Variants in PCDHA2 observed in about 807,000 individuals in gnomAD.
PCDHA2 encodes protocadherin alpha-2.
PCDHA2 carries 58 observed loss-of-function variants against 66.0 expected under a neutral mutation model. That is an observed-to-expected ratio of 0.88 (90% CI 0.71 to 1.09). The LOEUF (loss-of-function observed/expected upper bound fraction) is 1.09. Ranked by LOEUF, PCDHA2 falls within the 50% of genes least tolerant of loss-of-function variation. The pLI is 0.00. For missense variants in PCDHA2, 1,267 were observed against 1,242.3 expected (o/e 1.02, Z -0.30); for synonymous variants, 634 against 554.0 (o/e 1.14, Z -2.03).
intron 1 of PCDHA2, chr5:140,877,468 C>A (rs781957457): frequency 6.2e-7 from 1 of 1,613,810 alleles, no homozygotes; most frequent in South Asian, 1.1e-5. Flanking sequence ...GGCCACGGTG[C>A]TGGTGTCGCT....
chr5:140,834,611 G>C, intron 1 of PCDHA2: 1 of 1,614,162 alleles, frequency 6.2e-7, no homozygotes, highest in Non-Finnish European at 8.5e-7. Flanking sequence ...ATCTTCTGGA[G>C]GTAAATCTGC....
intron 1 of PCDHA2, chr5:140,805,129 A>G (rs1763514845): frequency 6.3e-7 from 1 of 1,580,766 alleles, no homozygotes; most frequent in East Asian, 2.2e-5. Flanking sequence ...CTTGGCAAAG[A>G]CATTTTGAAG....
intron 1 of PCDHA2, among the ~76,000 whole-genome samples, chr5:140,952,416 G>A (rs114343205): frequency 2.1e-3 from 324 of 151,824 alleles, no homozygotes; most frequent in African/African-American, 7.0e-3. Flanking sequence ...TTAATGTTCC[G>A]CAGATTCCTA....
chr5:140,846,892 T>G (rs910093785), intron 1 of PCDHA2, among the ~76,000 whole-genome samples: 1 of 149,538 alleles, frequency 6.7e-6, no homozygotes, highest in Non-Finnish European at 1.5e-5. Flanking sequence ...AGAATGACGT[T>G]GAAGTTGAAA....
intron 1 of PCDHA2, chr5:140,870,020 C>CT (rs2051592109): frequency 6.2e-7 from 1 of 1,613,394 alleles, no homozygotes; most frequent in Admixed American, 1.7e-5. Context: ...GTCAATGGAA[C>CT]TTTAGATTAT....
intron 1 of PCDHA2, chr5:140,841,215 G>C: frequency 7.1e-7 from 1 of 1,415,722 alleles, no homozygotes; most frequent in African/African-American, 1.4e-5. Flanking sequence ...TGTCTCTAAA[G>C]GCCGAACAAC....
chr5:140,884,096 G>T (rs782587372), intron 1 of PCDHA2: 1 of 1,613,580 alleles, frequency 6.2e-7, no homozygotes, highest in Non-Finnish European at 8.5e-7. Flanking sequence ...GCTTTCGTAT[G>T]AATTGCAGCT....
intron 1 of PCDHA2, chr5:140,927,928 T>C: frequency 6.2e-7 from 1 of 1,614,214 alleles, no homozygotes; most frequent in Non-Finnish European, 8.5e-7. Context: ...CCTGACTCTT[T>C]CGAACCCAGT....
intron 1 of PCDHA2, chr5:140,883,531 T>G: frequency 6.2e-7 from 1 of 1,614,210 alleles, no homozygotes; most frequent in Non-Finnish European, 8.5e-7. Flanking sequence ...TATCAGCCTA[T>G]GAACTGGTGG....
chr5:140,956,733 C>A (rs1412191742), intron 1 of PCDHA2, among the ~76,000 whole-genome samples: 1 of 152,172 alleles, frequency 6.6e-6, no homozygotes, highest in Non-Finnish European at 1.5e-5. Flanking sequence ...ACCAGCTCCT[C>A]TTTGTACCTC....
At chr5:140,912,824 A>T (rs1391588183) in intron 1 of PCDHA2, among the ~76,000 whole-genome samples, 3 of 152,170 alleles carry the variant, frequency 2.0e-5, no homozygotes, top group Non-Finnish European at 4.4e-5. Flanking sequence ...AGGGATTTTG[A>T]ATTTTATTAA....
chr5:140,811,893 G>A (rs1262337923), intron 1 of PCDHA2: 1 of 152,102 alleles, frequency 6.6e-6, no homozygotes, highest in Non-Finnish European at 1.5e-5. Context: ...GTAGATTCTG[G>A]ATATTAGCCC....
rs1762051853 is a variant in PCDHA2 at position 140,796,234 on chromosome 5, G to A, written c.1270G>A (p.Val424Met). The A allele has an allele frequency of 6.2e-7, 1 of 1,614,088 alleles. No homozygotes were observed. Among genetic ancestry groups the A allele is most frequent in the Non-Finnish European group, 8.5e-7 (1 of 1,180,066 alleles). The stretch of plus-strand genomic sequence containing the variant: ...CGAGAGCGTGTCAGCCTATGAGCTG[G>A]TGGTGACCGCACGGGACGGGGGCTC... Reference protein sequence around the residue: ...DRESVSAYELVVTARDGGSPS... With the variant: ...DRESVSAYELMVTARDGGSPS... The change falls in exon 1 of 4, where the codon GTG (valine) becomes ATG (methionine). Residue 424 changes from valine (V) to methionine (M), a missense_variant. Val to Met is a conservative substitution (Grantham distance 21). Coordinates refer to ENST00000526136, the MANE Select transcript of PCDHA2 (RefSeq NM_018905.3).
At chr5:140,999,605 G>T (rs1587843541) in intron 3 of PCDHA2, among the ~76,000 whole-genome samples, 2 of 152,132 alleles carry the variant, frequency 1.3e-5, no homozygotes, top group Admixed American at 1.3e-4. Context: ...CATCCTGGGG[G>T]ACCTTATCAA....
chr5:141,011,997 A>G lies in PCDHA2; in HGVS notation c.*2060A>G, dbSNP rs2098422641. ...TGTCTACTTTTAGCTTCATTCTCCCATATTTTGAAGGGTGTGTAACTTCAG... is the reference window on the plus strand; with the variant it reads ...TGTCTACTTTTAGCTTCATTCTCCCGTATTTTGAAGGGTGTGTAACTTCAG... On this transcript the variant is annotated 3_prime_UTR_variant, in exon 4 of 4. Coordinates refer to ENST00000526136, the MANE Select transcript of PCDHA2 (RefSeq NM_018905.3). 1 of 153,712 alleles carries G rather than the reference A, an allele frequency of 6.5e-6. No homozygotes were observed. Among genetic ancestry groups the G allele is most frequent in the Non-Finnish European group, 1.5e-5 (1 of 68,034 alleles). 9.5% of individuals were successfully genotyped at this position (153,712 alleles called of 1,614,324 possible).
chr5:140,878,728 C>T (rs1554170509), intron 1 of PCDHA2, among the ~76,000 whole-genome samples: 1 of 152,170 alleles, frequency 6.6e-6, no homozygotes, highest in Non-Finnish European at 1.5e-5. Flanking sequence ...AATTTCCAGC[C>T]TTATATCTAC....
At chr5:140,851,162 G>C in intron 1 of PCDHA2, 1 of 1,294,640 alleles carries the variant, frequency 7.7e-7, no homozygotes, top group African/African-American at 1.5e-5. Context: ...CTGATGCTAT[G>C]CTGCCATAAC....
At chr5:140,925,238 T>C (rs2082404327) in intron 1 of PCDHA2, among the ~76,000 whole-genome samples, 1 of 152,248 alleles carries the variant, frequency 6.6e-6, no homozygotes, top group African/African-American at 2.4e-5. Context: ...CCAGAAAATA[T>C]GTCCTGGAAA....
intron 1 of PCDHA2, chr5:140,864,365 A>G (rs2048439709): frequency 6.6e-6 from 1 of 152,220 alleles, no homozygotes; most frequent in Non-Finnish European, 1.5e-5. Flanking sequence ...TTATCTTTCT[A>G]TAATCGATAA....
Sources: gnomAD v4.1 joint callset for allele counts (sites outside exome capture counted in the v4.1 genomes callset) on GRCh38, gnomAD v4.1.1 for gene constraint, MANE v1.5 for transcripts, NCBI Gene and HGNC (gene_info 2026-07-23, HGNC 2026-07-21) for gene names.